The following HEXA variants were observed in gnomAD, a reference collection of about 807,000 sequenced individuals.
The protein encoded by HEXA is beta-hexosaminidase subunit alpha.
HEXA carries 54 observed loss-of-function variants against 73.3 expected under a neutral mutation model. The observed-to-expected ratio is 0.74, with a 90% CI of 0.59 to 0.92. The LOEUF (loss-of-function observed/expected upper bound fraction) is 0.92. HEXA is among the 40% of genes least tolerant of loss of function. The probability of loss-of-function intolerance (pLI) is 0.00; values close to 1 mark genes in which losing one functional copy is unlikely to be tolerated. For missense variants in HEXA, 649 were observed against 653.0 expected, an observed-to-expected ratio of 0.99 and a Z score of 0.07; for synonymous variants, 230 against 246.9, an observed-to-expected ratio of 0.93 and a Z score of 0.64.
chr15:72,349,172 T>A lies in HEXA; in HGVS notation c.893A>T (p.Tyr298Phe). The change falls in exon 8 of 14, where the codon TAT (tyrosine) becomes TTT (phenylalanine). Residue 298 changes from tyrosine to phenylalanine, a missense_variant. By Grantham distance (22) the Tyr-to-Phe change is conservative (BLOSUM62 3). Coordinates refer to ENST00000268097, the MANE Select transcript of HEXA (RefSeq NM_000520.6). ...TAAGAAGAATGTGCTCATGAACTCA[T>A]AGGTATTATTGAGACTGGGATTCAC... ...GPVNPSLNNT[Y>F]EFMSTFFLEV... The A allele has an allele frequency of 2.5e-6, 4 of 1,613,570 alleles. No individual in the cohort carries two copies. The highest frequency in any genetic ancestry group is 3.4e-6 in the Non-Finnish European group (4 of 1,179,490).
chr15:72,346,033 G>C, intron 12 of HEXA: 1 of 611,362 alleles, frequency 1.6e-6, no homozygotes, highest in Non-Finnish European at 3.0e-6. Flanking sequence ...ACATACCAAA[G>C]GGCAGCTGGA....
In HEXA at chr15:72,344,032, C is replaced by T. The variant is rs764962743; in HGVS notation, c.*45G>A. 34 of 1,527,200 alleles carry T rather than the reference C, an allele frequency of 2.2e-5. No individual in the cohort carries two copies. Among genetic ancestry groups the T allele is most frequent in the Non-Finnish European group, 3.0e-5 (33 of 1,101,766 alleles). The allele number at this position is 1,527,200 out of a possible 1,614,324, so 94.6% of individuals were successfully genotyped here. ...CCAGGATGCAGTGGAAGCCTGGCTC[C>T]ACTACCATTCACCTACAGCCAGCAC... On this transcript the variant is annotated 3_prime_UTR_variant, in exon 14 of 14. Transcript: ENST00000268097.
At chr15:72,353,367 T>C (rs2088728268) in intron 4 of HEXA, among the ~76,000 whole-genome samples, 189 bp from the exon 5 acceptor site, 1 of 152,158 alleles carries the variant, frequency 6.6e-6, no homozygotes, top group South Asian at 2.1e-4. Flanking sequence ...AGAGCAATTG[T>C]CCAACGCCAG....
At chr15:72,356,709 G>T in intron 1 of HEXA, 92 bp from the exon 2 acceptor site, 4 of 1,576,248 alleles carry the variant, frequency 2.5e-6, no homozygotes, top group Non-Finnish European at 3.4e-6. Flanking sequence ...CAGCTCACAC[G>T]CCTGTGGTAA....
intron 1 of HEXA, chr15:72,362,267 C>T (rs1032815315): frequency 6.4e-5 from 13 of 202,006 alleles, no homozygotes; most frequent in African/African-American, 1.2e-4. Flanking sequence ...TTCTGTTATT[C>T]CCCCCCTCTT....
rs2140320635 is a variant in HEXA, at chr15:72,346,572, G to A, written c.1285C>T (p.Pro429Ser). ...PWYLNRISYG[P>S]DWKDFYIVEP... The stretch of plus-strand genomic sequence containing the variant: ...ACTATGTAGAAATCCTTCCAGTCAG[G>A]GCCATAGGATATACGGTTCAGGTAC... The change falls in exon 11 of 14, where the codon CCT (proline) becomes TCT (serine). Residue 429 changes from proline (P) to serine (S), a missense_variant. Coordinates refer to ENST00000268097, the MANE Select transcript of HEXA (RefSeq NM_000520.6). The A allele has an allele frequency of 6.2e-7, 1 of 1,614,058 alleles. No homozygotes were observed. The highest frequency in any genetic ancestry group is 8.5e-7 in the Non-Finnish European group (1 of 1,179,992).
chr15:72,365,234 C>T (rs1017636344), intron 1 of HEXA, among the ~76,000 whole-genome samples: 2 of 152,130 alleles, frequency 1.3e-5, no homozygotes, highest in African/African-American at 4.8e-5. Flanking sequence ...GGACCACAGG[C>T]GCACGCCACC....
intron 1 of HEXA, chr15:72,358,110 G>A (rs962162452): frequency 1.3e-5 from 2 of 152,228 alleles, no homozygotes; most frequent in Non-Finnish European, 2.9e-5. Flanking sequence ...ATCTCCACAG[G>A]AGACTCTACA....
rs1287479711 is a variant in HEXA, at chr15:72,346,664, A to G, written c.1193T>C (p.Val398Ala). The G allele has an allele frequency of 5.6e-6, 9 of 1,613,998 alleles. No individual in the cohort carries two copies. In the South Asian group the frequency reaches 9.9e-5, roughly 18 times the overall value. ...CAGTTCCAGCTCCTTCATATAGTTC[A>G]CTGGAATATCCTCTCGCCACACCTG... is the stretch of plus-strand genomic sequence containing the variant. ...IIQVWREDIP[V>A]NYMKELELVT... The change falls in exon 11 of 14, where the codon GTG becomes GCG. Residue 398 changes from valine to alanine, a missense_variant. By Grantham distance (64) the Val-to-Ala change is moderately conservative. Coordinates refer to ENST00000268097, the MANE Select transcript of HEXA (RefSeq NM_000520.6).
rs1172033085 is a variant in HEXA, at chr15:72,341,986, C to T, written c.*2091G>A. On this transcript the variant is annotated 3_prime_UTR_variant, in exon 14 of 14. Transcript: ENST00000268097. ...GATCTCTGCCTTCATCCACTTGAGACTTAAAACTCAGTGTCTGCTATTTTT... is the reference window on the plus strand; with the variant it reads ...GATCTCTGCCTTCATCCACTTGAGATTTAAAACTCAGTGTCTGCTATTTTT... 6.6e-6 allele frequency: 1 copy of T among 152,174 alleles called. No individual in the cohort carries two copies. The highest frequency in any genetic ancestry group is 1.5e-5 in the Non-Finnish European group (1 of 68,042). 9.4% of individuals were successfully genotyped at this position (152,174 alleles called of 1,614,324 possible). A position where few individuals can be genotyped will look rare whatever the true frequency, so the allele number is the denominator to read the frequency against.
intron 1 of HEXA, among the ~76,000 whole-genome samples, chr15:72,365,987 T>C (rs2088911673): frequency 6.6e-6 from 1 of 152,212 alleles, no homozygotes; most frequent in Non-Finnish European, 1.5e-5. Flanking sequence ...AGACCACCTG[T>C]GTACTACATA....
chr15:72,362,138 G>A (rs1243082464), intron 1 of HEXA, among the ~76,000 whole-genome samples: 4 of 152,106 alleles, frequency 2.6e-5, no homozygotes, highest in Admixed American at 2.6e-4. Context: ...CCCTGAAAAT[G>A]CCATATTTTC....
rs1227959449 is a variant in HEXA at position 72,351,165 on chromosome 15, C to T, written c.640G>A (p.Glu214Lys). The T allele has an allele frequency of 1.2e-6, 2 of 1,612,138 alleles. No homozygotes were observed. The highest frequency in any genetic ancestry group is 1.7e-6 in the Non-Finnish European group (2 of 1,178,256). ...HLVDDPSFPY[E>K]SFTFPELMRK... ...ATGAGCTCTGGAAAAGTGAAGCTCT[C>T]ATATGGGAAGGAAGGATCATCTACC... Residue 214 changes from glutamate (E) to lysine (K), a missense_variant, in exon 6 of 14, where the codon GAG (glutamate) becomes AAG (lysine). Transcript: ENST00000268097.
At chr15:72,369,601 G>A (rs989602754) in intron 1 of HEXA, among the ~76,000 whole-genome samples, 4 of 152,048 alleles carry the variant, frequency 2.6e-5, no homozygotes, top group Non-Finnish European at 4.4e-5. Context: ...GCAATGACAC[G>A]ATCTCAGCTA....
At chr15:72,349,343 C>A (rs2088665295) in intron 7 of HEXA, 84 bp from the exon 8 acceptor site, 1 of 1,061,644 alleles carries the variant, frequency 9.4e-7, no homozygotes, top group South Asian at 1.3e-5. Flanking sequence ...ACGAGTCACA[C>A]AAAGCAAGAC....
chr15:72,342,395 A>C lies in HEXA; in HGVS notation c.*1682T>G, dbSNP rs2088561827. ...GATCCTTCTCAGCCCTGCCTTCCTGAAGTTTCTGTATCCACTACACTGGAA... is the reference window on the plus strand; with the variant it reads ...GATCCTTCTCAGCCCTGCCTTCCTGCAGTTTCTGTATCCACTACACTGGAA... On this transcript the variant is annotated 3_prime_UTR_variant, in exon 14 of 14. Coordinates refer to ENST00000268097, the MANE Select transcript of HEXA (RefSeq NM_000520.6). 1 of 152,142 alleles carries C rather than the reference A, an allele frequency of 6.6e-6. No homozygotes were observed. Among genetic ancestry groups the C allele is most frequent in the African/African-American group, 2.4e-5 (1 of 41,408 alleles). The allele number at this position is 152,142 out of a possible 1,614,324, so 9.4% of individuals were successfully genotyped here. A position where few individuals can be genotyped will look rare whatever the true frequency, so the allele number is the denominator to read the frequency against.
chr15:72,355,999 C>T (rs148692166), intron 2 of HEXA: 8 of 466,676 alleles, frequency 1.7e-5, no homozygotes, highest in East Asian at 1.3e-4. Context: ...GTGCAGCACG[C>T]GATGCTCCCA....
intron 1 of HEXA, among the ~76,000 whole-genome samples, chr15:72,369,586 G>A (rs2088961677): frequency 6.6e-6 from 1 of 152,164 alleles, no homozygotes. Context: ...TGTCCAGGCT[G>A]GAGTGCAATG....
chr15:72,356,545 G>C lies in HEXA; in HGVS notation c.326C>G (p.Thr109Ser). ...CTTACAATTCTCCACTGACTCCAAA[G>C]TAGGAAGCTGGTTACATCCAGGTGT... ...VVTPGCNQLP[T>S]LESVENYTLT... The change falls in exon 2 of 14, where the codon ACT (threonine) becomes AGT (serine). Residue 109 changes from threonine (T) to serine (S), a missense_variant. Coordinates refer to ENST00000268097, the MANE Select transcript of HEXA (RefSeq NM_000520.6). 1 of 1,614,102 alleles carries C rather than the reference G, an allele frequency of 6.2e-7. No homozygotes were observed. Among genetic ancestry groups the C allele is most frequent in the Non-Finnish European group, 8.5e-7 (1 of 1,179,952 alleles).
Sources: gnomAD v4.1 joint callset for allele counts (sites outside exome capture counted in the v4.1 genomes callset) on GRCh38, gnomAD v4.1.1 for gene constraint, MANE v1.5 for transcripts, NCBI Gene and HGNC (gene_info 2026-07-23, HGNC 2026-07-21) for gene names.